NHSL2: variants seen among roughly 807,000 people sequenced by gnomAD.
NHSL2 encodes NHS like 2.
In NHSL2, 27 loss-of-function variants were observed where a neutral mutation model predicts 53.4. The ratio of observed to expected loss-of-function variants is 0.51; its 90% CI spans 0.37 to 0.70. The LOEUF (loss-of-function observed/expected upper bound fraction) is 0.70. Among genes scored for constraint, NHSL2 ranks in the 30% least tolerant of loss-of-function variants. The pLI is 0.00. For synonymous variants in NHSL2, 408 were observed against 404.1 expected, an observed-to-expected ratio of 1.01 and a Z score of -0.12; for missense variants, 892 against 980.1, an observed-to-expected ratio of 0.91 and a Z score of 1.20.
chrX:71,911,113 T>C lies in NHSL2; in HGVS notation c.26T>C (p.Val9Ala). Residue 9 changes from valine to alanine, a missense_variant, in exon 1 of 8, where the codon GTA becomes GCA. Coordinates refer to ENST00000633930, the MANE Select transcript of NHSL2 (RefSeq NM_001013627.3). The part of the protein sequence containing the change: MPFYRRTV[V>A]PQRLCPRNPP... ...ATGCCGTTCTACAGGCGCACGGTGG[T>C]ACCCCAGCGCCTGTGCCCGCGCAAC... is the stretch of plus-strand genomic sequence containing the variant. 1 of 1,080,357 alleles carries C rather than the reference T, an allele frequency of 9.3e-7. No homozygotes were observed. The highest frequency in any genetic ancestry group is 1.2e-6 in the Non-Finnish European group (1 of 833,637). The allele number at this position is 1,080,357 out of a possible 1,213,427, so 89.0% of individuals were successfully genotyped here.
At chrX:71,921,801 A>G (rs771376171) in intron 1 of NHSL2, among the ~76,000 whole-genome samples, 1 of 112,446 alleles carries the variant, frequency 8.9e-6, no homozygotes, top group Admixed American at 9.4e-5. Flanking sequence ...CAGAAATTCC[A>G]AATAGAAGTT....
At chrX:72,115,174 A>G (rs917755499) in intron 1 of NHSL2, among the ~76,000 whole-genome samples, 5 of 110,694 alleles carry the variant, frequency 4.5e-5, no homozygotes, top group African/African-American at 9.9e-5. Context: ...CAGCTGCCCA[A>G]ATTTTCAAGC....
intron 1 of NHSL2, among the ~76,000 whole-genome samples, chrX:71,916,510 C>G (rs1278542761): frequency 9.0e-6 from 1 of 111,317 alleles, no homozygotes; most frequent in African/African-American, 3.3e-5. Context: ...GCTAAAGACC[C>G]AGAGGTGAAT....
At chrX:72,016,405 C>T (rs892595368) in intron 1 of NHSL2, among the ~76,000 whole-genome samples, 7 of 112,288 alleles carry the variant, frequency 6.2e-5, no homozygotes, top group African/African-American at 2.3e-4. Flanking sequence ...TGTCATCCTT[C>T]ATTTGTTCTT....
chrX:71,972,821 T>C (rs1191286724), intron 1 of NHSL2, among the ~76,000 whole-genome samples: 2 of 110,751 alleles, frequency 1.8e-5, no homozygotes, highest in African/African-American at 3.3e-5. Context: ...TTTGTTGTTG[T>C]TGTTGTTCTT....
In NHSL2 at chrX:72,146,446, C is replaced by A. The variant is rs1043303527; in HGVS notation, c.*2872C>A. 1 of 112,381 alleles carries A rather than the reference C, an allele frequency of 8.9e-6. No individual in the cohort carries two copies. The highest frequency in any genetic ancestry group is 1.9e-5 in the Non-Finnish European group (1 of 53,296). 9.3% of individuals were successfully genotyped at this position (112,381 alleles called of 1,213,427 possible). ...AGGCTGAAAGCCCCTCTCAGAAAGGCTTGCAGAGAACCCACCACTACTACA... is the reference window on the plus strand; with the variant it reads ...AGGCTGAAAGCCCCTCTCAGAAAGGATTGCAGAGAACCCACCACTACTACA... On this transcript the variant is annotated 3_prime_UTR_variant, in exon 8 of 8. Transcript: ENST00000633930.
chrX:72,076,185 G>A (rs982518650), intron 1 of NHSL2, among the ~76,000 whole-genome samples: 3 of 111,074 alleles, frequency 2.7e-5, no homozygotes, highest in African/African-American at 9.9e-5. Context: ...TGCCTGCCTT[G>A]GCCTCCCAAA....
chrX:71,983,963 C>G (rs766820059), intron 1 of NHSL2, among the ~76,000 whole-genome samples: 13 of 111,489 alleles, frequency 1.2e-4, no homozygotes, highest in South Asian at 3.8e-4. Context: ...CATGCTGTGA[C>G]TAAGAAGGCC....
At chrX:72,104,072 G>A (rs1041299500) in intron 1 of NHSL2, among the ~76,000 whole-genome samples, 1 of 112,873 alleles carries the variant, frequency 8.9e-6, no homozygotes, top group East Asian at 2.8e-4. Flanking sequence ...GTAATTGAAA[G>A]TTAGCTTTCC....
intron 1 of NHSL2, among the ~76,000 whole-genome samples, chrX:72,013,875 C>T (rs1479711778): frequency 1.8e-5 from 2 of 111,410 alleles, no homozygotes; most frequent in Non-Finnish European, 3.8e-5. Flanking sequence ...TAGTTTGTTA[C>T]ACTGATTGTG....
At chrX:71,985,205 A>T (rs2041998333) in intron 1 of NHSL2, among the ~76,000 whole-genome samples, 1 of 111,413 alleles carries the variant, frequency 9.0e-6, no homozygotes, top group Admixed American at 9.6e-5. Flanking sequence ...AAATACCCAT[A>T]AGTTGAGTAA....
chrX:71,928,538 A>G (rs761555204), intron 1 of NHSL2, among the ~76,000 whole-genome samples: 2 of 112,033 alleles, frequency 1.8e-5, no homozygotes, highest in Non-Finnish European at 3.8e-5. Context: ...TGCCCTGGGC[A>G]AGGGGAGTTG....
intron 1 of NHSL2, among the ~76,000 whole-genome samples, chrX:71,951,878 A>G (rs1484817222): frequency 2.7e-5 from 3 of 111,812 alleles, no homozygotes; most frequent in Non-Finnish European, 3.8e-5. Context: ...GGCTTTCCAT[A>G]AGCCCTAAGA....
intron 1 of NHSL2, among the ~76,000 whole-genome samples, chrX:72,111,819 A>G (rs988618544): frequency 1.1e-4 from 12 of 111,734 alleles, no homozygotes; most frequent in African/African-American, 3.3e-4. Context: ...CACTGTGTAT[A>G]TGCTGGTGAC....
intron 4 of NHSL2, among the ~76,000 whole-genome samples, chrX:72,136,470 AAGAG>A (rs1353036765): frequency 2.7e-5 from 3 of 111,751 alleles, no homozygotes; most frequent in African/African-American, 9.8e-5. Context: ...CCAGGAAAAA[AAGAG>A]AGAGAGAGAA....
intron 1 of NHSL2, among the ~76,000 whole-genome samples, chrX:71,965,687 A>G (rs1018703675): frequency 3.6e-5 from 4 of 112,177 alleles, no homozygotes; most frequent in Non-Finnish European, 7.5e-5. Context: ...GAATCCATAG[A>G]TCAAGTTGGG....
chrX:71,948,812 A>G (rs2041805777), intron 1 of NHSL2, among the ~76,000 whole-genome samples: 1 of 102,130 alleles, frequency 9.8e-6, no homozygotes, highest in Admixed American at 1.1e-4. Context: ...CCTGGGCGAC[A>G]CAGCAAGACT....
At chrX:72,105,784 G>A (rs1639868316) in intron 1 of NHSL2, among the ~76,000 whole-genome samples, 1 of 112,100 alleles carries the variant, frequency 8.9e-6, no homozygotes, top group South Asian at 3.7e-4. Flanking sequence ...TTTTTAAAGA[G>A]AGAAATATAA....
intron 1 of NHSL2, among the ~76,000 whole-genome samples, chrX:72,070,699 G>T (rs1298341147): frequency 1.8e-5 from 2 of 108,307 alleles, no homozygotes; most frequent in Non-Finnish European, 3.8e-5. Context: ...CCTCTGTCTT[G>T]GTGGAGTTCC....
Sources: allele counts gnomAD v4.1 joint callset (sites outside exome capture counted in the v4.1 genomes callset), GRCh38; gene constraint gnomAD v4.1.1; transcripts MANE v1.5; gene names NCBI Gene and HGNC (gene_info 2026-07-23, HGNC 2026-07-21).